PARP14: variants seen among roughly 807,000 people sequenced by gnomAD.
PARP14 encodes poly(ADP-ribose) polymerase family member 14.
PARP14 carries 59 observed loss-of-function variants against 154.2 expected under a neutral mutation model. That is an observed-to-expected ratio of 0.38 (90% CI 0.31 to 0.48). The LOEUF (loss-of-function observed/expected upper bound fraction) is 0.48, where lower values mean the gene tolerates loss of function less well. Ranked by LOEUF, PARP14 falls within the 20% of genes least tolerant of loss-of-function variation. The pLI is 0.98. For missense variants in PARP14, 1,734 were observed against 2,131.6 expected, an observed-to-expected ratio of 0.81 and a Z score of 3.67; for synonymous variants, 720 against 780.5, an observed-to-expected ratio of 0.92 and a Z score of 1.29.
intron 15 of PARP14, among the ~76,000 whole-genome samples, chr3:122,724,495 T>A (rs1188368172): frequency 2.2e-5 from 3 of 134,356 alleles, no homozygotes; most frequent in Non-Finnish European, 4.6e-5. Flanking sequence ...AGAGATGGAG[T>A]CCGTGTTATC....
chr3:122,682,781 G>T (rs539028261), intron 1 of PARP14, among the ~76,000 whole-genome samples: 1 of 152,246 alleles, frequency 6.6e-6, no homozygotes, highest in Non-Finnish European at 1.5e-5. Context: ...GCCGGGCGTG[G>T]TGGCTCACGC....
intron 9 of PARP14, among the ~76,000 whole-genome samples, chr3:122,710,415 T>G (rs539229051): frequency 2.6e-5 from 4 of 152,342 alleles, no homozygotes; most frequent in Non-Finnish European, 4.4e-5. Flanking sequence ...CATTGGTCTA[T>G]GTGCCTATTT....
intron 9 of PARP14, among the ~76,000 whole-genome samples, chr3:122,711,537 T>C (rs1939319220): frequency 6.6e-6 from 1 of 152,194 alleles, no homozygotes; most frequent in African/African-American, 2.4e-5. Context: ...GGGATATTGG[T>C]CTGTAGTTTT....
intron 15 of PARP14, among the ~76,000 whole-genome samples, chr3:122,725,111 C>T (rs542677497): frequency 2.1e-4 from 32 of 152,286 alleles, no homozygotes; most frequent in Non-Finnish European, 3.5e-4. Flanking sequence ...CTTTTCTTTT[C>T]GACAAAACTG....
At chr3:122,711,592 G>A (rs1485581259) in intron 9 of PARP14, among the ~76,000 whole-genome samples, 2 of 151,950 alleles carry the variant, frequency 1.3e-5, no homozygotes, top group African/African-American at 2.4e-5. Context: ...TTTAATACTA[G>A]CTTTTAGACT....
rs143228212 is a variant in PARP14, at chr3:122,703,848, A to T, written c.3188A>T (p.Asp1063Val). 1.5e-4 allele frequency: 241 copies of T among 1,613,948 alleles called. 1 individual carries two copies. The East Asian group carries it at 5.3e-3, about 36-fold the overall frequency. Residue 1063 changes from aspartate to valine, a missense_variant, in exon 7 of 17, where the codon GAC becomes GTC. Asp to Val is a radical substitution (Grantham distance 152). Around this residue, in one of 2 missense-constraint regions of PARP14, gnomAD observed 1,646 missense variants for 1,976.0 expected, o/e 0.83. Transcript: ENST00000474629. ...KAGPELQEELDTVGQGVAVSM... is the reference protein window; with the variant it reads ...KAGPELQEELVTVGQGVAVSM... Reference sequence around the variant, plus strand: ...GGACCAGAGCTCCAGGAGGAATTGGACACAGTTGGACAAGGGGTGGCTGTC... The same window carrying T: ...GGACCAGAGCTCCAGGAGGAATTGGTCACAGTTGGACAAGGGGTGGCTGTC...
chr3:122,683,228 G>C, intron 1 of PARP14: 1 of 859,756 alleles, frequency 1.2e-6, no homozygotes, highest in South Asian at 5.3e-5. Context: ...AATGACCTAC[G>C]CTTGAAGTCC....
At chr3:122,703,659 C>G (rs1387694887) in intron 6 of PARP14, 83 bp from the exon 7 acceptor site, 5 of 748,266 alleles carry the variant, frequency 6.7e-6, no homozygotes, top group Non-Finnish European at 1.1e-5. Flanking sequence ...CCAATTGTGC[C>G]AAGCCCAGTG....
chr3:122,718,037 T>TG lies in PARP14; in HGVS notation c.4001-33dup, dbSNP rs763815656. 75 of 1,575,170 alleles carry TG rather than the reference T, an allele frequency of 4.8e-5. 1 individual carries two copies. The African/African-American group carries it at 8.8e-4, about 18-fold the overall frequency. On this transcript the variant is annotated intron_variant, in intron 12 of 16. Transcript: ENST00000474629. ...CTCAGCCTTCCACTTGGGGCTTTTT[T>TG]GTCCTTCAGCAATTTTATTATTTGC...
At chr3:122,724,408 C>T (rs1933235522) in intron 15 of PARP14, among the ~76,000 whole-genome samples, 2 of 151,626 alleles carry the variant, frequency 1.3e-5, no homozygotes, top group African/African-American at 4.8e-5. Flanking sequence ...AAGCAATCCT[C>T]CCCACTCAGA....
chr3:122,718,524 C>T lies in PARP14; in HGVS notation c.4373C>T (p.Thr1458Ile), dbSNP rs1376605308. 6.2e-7 allele frequency: 1 copy of T among 1,613,730 alleles called. No homozygotes were observed. ...DLIEKEQCPY[T>I]SEDECIKDFD... ...ATTGAAAAAGAACAGTGTCCTTACA[C>T]CAGTGAAGATGAGTGCATCAAAGAC... is the stretch of plus-strand genomic sequence containing the variant. The change falls in exon 14 of 17, where the codon ACC becomes ATC. Residue 1458 changes from threonine to isoleucine, a missense_variant. By Grantham distance (89) the Thr-to-Ile change is moderately conservative. Around this residue, in one of 2 missense-constraint regions of PARP14, gnomAD observed 1,646 missense variants for 1,976.0 expected, o/e 0.83. Coordinates refer to ENST00000474629, the MANE Select transcript of PARP14 (RefSeq NM_017554.3).
In PARP14 at chr3:122,681,281, G is replaced by A. The variant is rs1213187332; in HGVS notation, c.187+211G>A. On this transcript the variant is annotated intron_variant, in intron 1 of 16. Coordinates refer to ENST00000474629, the MANE Select transcript of PARP14 (RefSeq NM_017554.3). This position sits in a 1 kb window ranked among gnomAD's most constrained non-coding sequence, Gnocchi z 5.5. The stretch of plus-strand genomic sequence containing the variant: ...TCCCCGGCGCCCTGCGCTTCCAGGC[G>A]CTTAATGGCGCGGCCCGGAGGTGGC... Among the ~76,000 whole-genome samples the A allele has an allele frequency of 6.6e-6, 1 of 152,138 alleles. No individual in the cohort carries two copies. The highest frequency in any genetic ancestry group is 1.5e-5 in the Non-Finnish European group (1 of 68,000).
At chr3:122,727,654 G>T (rs1466395546) in intron 15 of PARP14, among the ~76,000 whole-genome samples, 158 bp from the exon 16 acceptor site, 5 of 152,196 alleles carry the variant, frequency 3.3e-5, no homozygotes, top group Non-Finnish European at 5.9e-5. Flanking sequence ...TGAAACACTG[G>T]ATCTAAAAAG....
intron 9 of PARP14, among the ~76,000 whole-genome samples, chr3:122,709,832 A>G (rs12494103): frequency 0.089 from 13,279 of 149,784 alleles, 674 homozygotes; most frequent in East Asian, 0.13. Flanking sequence ...GGCTGTTTGT[A>G]TACCTTCTTT....
intron 1 of PARP14, among the ~76,000 whole-genome samples, chr3:122,682,282 C>T (rs376392945): frequency 6.6e-6 from 1 of 152,192 alleles, no homozygotes; most frequent in African/African-American, 2.4e-5. Context: ...GCATCACCAT[C>T]GATCTGGCCC....
intron 3 of PARP14, among the ~76,000 whole-genome samples, chr3:122,687,969 A>G (rs1286279913): frequency 1.3e-5 from 2 of 152,254 alleles, no homozygotes; most frequent in African/African-American, 4.8e-5. Context: ...TATATTTGGC[A>G]AAAAGATTGG....
intron 9 of PARP14, among the ~76,000 whole-genome samples, chr3:122,713,178 G>A (rs1197203296): frequency 6.6e-6 from 1 of 152,194 alleles, no homozygotes; most frequent in Non-Finnish European, 1.5e-5. Flanking sequence ...GGGAGAGATA[G>A]GCTATAGTAC....
Position 122,700,577 on chromosome 3 carries a change from G to A in PARP14, c.2023G>A (p.Val675Ile). ...VEQNMKIERL[V>I]EVKPSLVIDY... ...ACAAAACATGAAAATAGAGAGACTG[G>A]TTGAAGTAAAGCCTTCCTTAGTTAT... is the stretch of plus-strand genomic sequence containing the variant. Residue 675 changes from valine (V) to isoleucine (I), a missense_variant, in exon 6 of 17, where the codon GTT (valine) becomes ATT (isoleucine). Coordinates refer to ENST00000474629, the MANE Select transcript of PARP14 (RefSeq NM_017554.3). 1 of 1,595,644 alleles carries A rather than the reference G, an allele frequency of 6.3e-7. No individual in the cohort carries two copies. Among genetic ancestry groups the A allele is most frequent in the Non-Finnish European group, 8.5e-7 (1 of 1,170,270 alleles).
At chr3:122,711,553 G>T (rs868385649) in intron 9 of PARP14, among the ~76,000 whole-genome samples, 34 of 151,804 alleles carry the variant, frequency 2.2e-4, no homozygotes, top group African/African-American at 8.0e-4. Flanking sequence ...GTTTTTTTTT[G>T]TTGTATCCTT....
Sources: gnomAD v4.1 joint callset for allele counts (sites outside exome capture counted in the v4.1 genomes callset) on GRCh38, gnomAD v4.1.1 for gene constraint, gnomAD v4.1.1 regional missense constraint, Gnocchi (gnomAD v3.1) non-coding constraint, MANE v1.5 for transcripts, NCBI Gene and HGNC (gene_info 2026-07-23, HGNC 2026-07-21) for gene names.